The following ACTR3B variants were observed in gnomAD, a reference collection of about 807,000 sequenced individuals.
ACTR3B encodes the protein actin related protein 3B, also known as actin-related protein 3B.
A neutral mutation model predicts 59.0 loss-of-function variants in ACTR3B; 8 were observed. That is an observed-to-expected ratio of 0.14 (90% CI 0.08 to 0.24). The LOEUF is 0.24. Among genes scored for constraint, ACTR3B ranks in the 10% least tolerant of loss-of-function variants. The pLI is 1.00. For missense variants in ACTR3B, 245 were observed against 552.3 expected (o/e 0.44, Z 5.58); for synonymous variants, 148 against 197.9 (o/e 0.75, Z 2.12).
chr7:152,825,303 AT>A (rs1016560885), intron 9 of ACTR3B, among the ~76,000 whole-genome samples, 181 bp downstream of exon 9: 5 of 143,356 alleles, frequency 3.5e-5, no homozygotes, highest in African/African-American at 8.4e-5. Flanking sequence ...GTTAACTAGA[AT>A]TTTTATTTTA....
Position 152,821,772 on chromosome 7 carries a change from TGTTA to T in ACTR3B, c.684+1334_684+1337del, listed in dbSNP as rs1212246795. Among the ~76,000 whole-genome samples, 11 of 152,352 alleles carry T rather than the reference TGTTA, an allele frequency of 7.2e-5. No individual in the cohort carries two copies. In the East Asian group the frequency reaches 2.1e-3, roughly 29 times the overall value. On this transcript the variant is annotated intron_variant, in intron 7 of 11. Coordinates refer to ENST00000256001, the MANE Select transcript of ACTR3B (RefSeq NM_020445.6). Reference sequence around the variant, plus strand: ...CTGGCCCTGCTGTGTGGGGTAGCCCTGTTAGTTCTCACCTCACTTCTCTCTTTGA... The same window carrying T: ...CTGGCCCTGCTGTGTGGGGTAGCCCTGTTCTCACCTCACTTCTCTCTTTGA...
At chr7:152,775,782 AAAT>A (rs2098135043) in intron 1 of ACTR3B, among the ~76,000 whole-genome samples, 1 of 152,034 alleles carries the variant, frequency 6.6e-6, no homozygotes, top group African/African-American at 2.4e-5. Flanking sequence ...AATTGGGGGC[AAAT>A]AATAATATAT....
chr7:152,795,665 A>C (rs1262696245), intron 2 of ACTR3B, among the ~76,000 whole-genome samples: 1 of 152,212 alleles, frequency 6.6e-6, no homozygotes, highest in Non-Finnish European at 1.5e-5. Context: ...AATAGCTGAA[A>C]AACCAATATA....
intron 2 of ACTR3B, among the ~76,000 whole-genome samples, chr7:152,785,661 GAA>G (rs1401150971): frequency 1.0e-5 from 1 of 96,744 alleles, no homozygotes; most frequent in Non-Finnish European, 2.1e-5. Flanking sequence ...GCTGGGAGTG[GAA>G]CCATTTTGTG....
intron 10 of ACTR3B, 111 bp downstream of exon 10, chr7:152,852,362 A>G (rs1798882837): frequency 1.4e-5 from 19 of 1,346,266 alleles, no homozygotes; most frequent in Non-Finnish European, 1.9e-5. Context: ...AAATAAAAAC[A>G]AGTGTTCATC....
intron 4 of ACTR3B, among the ~76,000 whole-genome samples, chr7:152,805,347 C>T (rs1228210413): frequency 1.3e-5 from 2 of 152,130 alleles, no homozygotes; most frequent in African/African-American, 2.4e-5. Context: ...GTCGAAGCGT[C>T]TGACTGGGCT....
At chr7:152,792,081 G>A (rs2098198438) in intron 2 of ACTR3B, among the ~76,000 whole-genome samples, 1 of 152,036 alleles carries the variant, frequency 6.6e-6, no homozygotes, top group African/African-American at 2.4e-5. Flanking sequence ...TAGTAGAGAT[G>A]GGTTTTCACC....
At chr7:152,828,235 G>C (rs1311549673) in intron 9 of ACTR3B, among the ~76,000 whole-genome samples, 5 of 152,034 alleles carry the variant, frequency 3.3e-5, no homozygotes, top group African/African-American at 9.7e-5. Context: ...CAGCAAGTCA[G>C]TGCTGCCTTT....
At chr7:152,820,582 C>T in intron 7 of ACTR3B, 140 bp downstream of exon 7, 1 of 1,422,804 alleles carries the variant, frequency 7.0e-7, no homozygotes, top group East Asian at 2.5e-5. Context: ...TGTTTTACCC[C>T]TTAAGTGGGC....
At chr7:152,828,896 C>T (rs575967623) in intron 9 of ACTR3B, among the ~76,000 whole-genome samples, 1 of 152,248 alleles carries the variant, frequency 6.6e-6, no homozygotes, top group East Asian at 1.9e-4. Context: ...TCGTCTCTCT[C>T]CCTCTGCCAC....
rs2098245652 is a variant in ACTR3B, at chr7:152,804,300, A to G, written c.336+2569A>G. On this transcript the variant is annotated intron_variant, in intron 4 of 11. Coordinates refer to ENST00000256001, the MANE Select transcript of ACTR3B (RefSeq NM_020445.6). ...ATTAGAACTTCGGAAGGGATTTGCAAACTTTTTGAATATAAATCCTGCAAG... is the reference window on the plus strand; with the variant it reads ...ATTAGAACTTCGGAAGGGATTTGCAGACTTTTTGAATATAAATCCTGCAAG... 2.6e-5 allele frequency among the ~76,000 whole-genome samples: 4 copies of G among 152,188 alleles called. No individual in the cohort carries two copies. In the South Asian group the frequency reaches 8.3e-4, roughly 32 times the overall value.
chr7:152,814,796 A>G (rs1313076040), intron 5 of ACTR3B, 151 bp downstream of exon 5: 11 of 789,148 alleles, frequency 1.4e-5, no homozygotes, highest in Non-Finnish European at 2.0e-5. Flanking sequence ...TCAGGACTAT[A>G]GGGAACGTGT....
chr7:152,800,417 A>G (rs2098231581), intron 2 of ACTR3B, 114 bp from the exon 3 acceptor site: 1 of 1,365,778 alleles, frequency 7.3e-7, no homozygotes, highest in Non-Finnish European at 9.9e-7. Flanking sequence ...TTCACCCCAC[A>G]TGGAGCCCTA....
rs1290319521 is a variant in ACTR3B, at chr7:152,765,927, C to T, written c.44+6001C>T. 2.6e-5 allele frequency among the ~76,000 whole-genome samples: 4 copies of T among 152,082 alleles called. No homozygotes were observed. The South Asian group carries it at 6.2e-4, about 24-fold the overall frequency. On this transcript the variant is annotated intron_variant, in intron 1 of 11. Coordinates refer to ENST00000256001, the MANE Select transcript of ACTR3B (RefSeq NM_020445.6). ...GCAAGAGTGGGTGAGATTGTGAGCA[C>T]GAGAGAAGGCTGAACTTCATATTTT...
chr7:152,790,241 C>A (rs1242295404), intron 2 of ACTR3B, among the ~76,000 whole-genome samples: 61 of 152,364 alleles, frequency 4.0e-4, no homozygotes, highest in Middle Eastern at 3.4e-3. Flanking sequence ...AGTCCTCCCA[C>A]CTTGGTCTCT....
intron 9 of ACTR3B, among the ~76,000 whole-genome samples, chr7:152,838,970 G>T (rs1484882163): frequency 1.3e-5 from 2 of 152,136 alleles, no homozygotes; most frequent in African/African-American, 4.8e-5. Context: ...AGAACAGCAA[G>T]AGTTCCTGAA....
intron 2 of ACTR3B, among the ~76,000 whole-genome samples, chr7:152,799,592 C>T (rs974533880): frequency 1.3e-5 from 2 of 152,312 alleles, no homozygotes; most frequent in Non-Finnish European, 2.9e-5. Flanking sequence ...GTCAAGGAAT[C>T]TATAGTTTGG....
chr7:152,841,996 A>G (rs1797904042), intron 9 of ACTR3B, among the ~76,000 whole-genome samples: 1 of 152,248 alleles, frequency 6.6e-6, no homozygotes, highest in Non-Finnish European at 1.5e-5. Context: ...CAGTTAAGGT[A>G]CAGAAGGGAA....
At chr7:152,816,230 A>G (rs1795682050) in intron 5 of ACTR3B, among the ~76,000 whole-genome samples, 1 of 152,244 alleles carries the variant, frequency 6.6e-6, no homozygotes. Flanking sequence ...TACAGGCATG[A>G]GTCACCACAG....
Sources: gnomAD v4.1 joint callset for allele counts (sites outside exome capture counted in the v4.1 genomes callset) on GRCh38, gnomAD v4.1.1 for gene constraint, MANE v1.5 for transcripts, NCBI Gene and HGNC (gene_info 2026-07-23, HGNC 2026-07-21) for gene names.